The following DLG2 variants were observed in gnomAD, a reference collection of about 807,000 sequenced individuals.
The protein encoded by DLG2 is disks large homolog 2.
DLG2 carries 45 observed loss-of-function variants against 132.5 expected under a neutral mutation model. That is an observed-to-expected ratio of 0.34 (90% CI 0.27 to 0.44). The LOEUF is 0.44. Among genes scored for constraint, DLG2 ranks in the 20% least tolerant of loss-of-function variants. The probability of loss-of-function intolerance (pLI) is 1.00; values close to 1 mark genes in which losing one functional copy is unlikely to be tolerated. For synonymous variants in DLG2, 424 were observed against 419.6 expected, an observed-to-expected ratio of 1.01 and a Z score of -0.13; for missense variants, 1,045 against 1,196.9, an observed-to-expected ratio of 0.87 and a Z score of 1.87.
chr11:84,774,238 G>T (rs2069979865), intron 6 of DLG2, among the ~76,000 whole-genome samples: 1 of 151,888 alleles, frequency 6.6e-6, no homozygotes, highest in Admixed American at 6.6e-5. Flanking sequence ...GGAGGTAAAA[G>T]ACTTCTACAG....
At chr11:83,928,703 A>G (rs2079499025) in intron 15 of DLG2, among the ~76,000 whole-genome samples, 1 of 152,172 alleles carries the variant, frequency 6.6e-6, no homozygotes, top group Non-Finnish European at 1.5e-5. Context: ...TGGGCAAGTC[A>G]GGCAACTTAT....
intron 21 of DLG2, among the ~76,000 whole-genome samples, chr11:83,517,154 G>C (rs555068690): frequency 3.3e-5 from 5 of 152,258 alleles, no homozygotes; most frequent in Admixed American, 2.6e-4. Context: ...GTCACTTTCA[G>C]GTACACCAAT....
At chr11:84,095,859 T>A (rs1038446045) in intron 10 of DLG2, among the ~76,000 whole-genome samples, 1 of 152,290 alleles carries the variant, frequency 6.6e-6, no homozygotes, top group African/African-American at 2.4e-5. Flanking sequence ...GTTTTGCAGG[T>A]TGTTTATTGT....
chr11:85,234,394 GTGTT>G lies in DLG2; in HGVS notation c.186+50822_186+50825del, dbSNP rs1488307256. ...CCATTATACAGCGTGCACAGAAAGA[GTGTT>G]TGTTATCTCTAGGTGTAGGCTGATG... On this transcript the variant is annotated intron_variant, in intron 4 of 27. Transcript: ENST00000376104. Among the ~76,000 whole-genome samples, 3 of 152,086 alleles carry G rather than the reference GTGTT, an allele frequency of 2.0e-5. No individual in the cohort carries two copies. The East Asian group carries it at 5.8e-4, about 29-fold the overall frequency.
intron 7 of DLG2, among the ~76,000 whole-genome samples, chr11:84,348,321 A>G (rs890081327): frequency 6.6e-6 from 1 of 152,176 alleles, no homozygotes; most frequent in Non-Finnish European, 1.5e-5. Context: ...TAATTTGCCA[A>G]AGGTCAGGCA....
intron 16 of DLG2, among the ~76,000 whole-genome samples, chr11:83,859,990 G>A (rs754884907): frequency 1.3e-5 from 2 of 152,212 alleles, no homozygotes; most frequent in Non-Finnish European, 2.9e-5. Context: ...GTGGTGTTGA[G>A]CCTGTGATGG....
At chr11:83,533,107 A>C (rs563203732) in intron 20 of DLG2, among the ~76,000 whole-genome samples, 9 of 152,336 alleles carry the variant, frequency 5.9e-5, no homozygotes, top group Admixed American at 1.3e-4. Flanking sequence ...CAGTTCATAA[A>C]GATGAACACC....
chr11:84,407,796 T>C (rs183678230), intron 7 of DLG2, among the ~76,000 whole-genome samples: 145 of 152,316 alleles, frequency 9.5e-4, no homozygotes, highest in African/African-American at 3.4e-3. Context: ...TAGCCTGTGG[T>C]AGAATGACAT....
intron 4 of DLG2, among the ~76,000 whole-genome samples, chr11:85,196,564 G>A (rs1266563271): frequency 1.3e-5 from 2 of 152,140 alleles, no homozygotes; most frequent in African/African-American, 4.8e-5. Context: ...AAAAAAGTGG[G>A]AAGTTTAAAA....
intron 6 of DLG2, among the ~76,000 whole-genome samples, chr11:84,853,281 C>T (rs554158153): frequency 1.3e-5 from 2 of 151,986 alleles, no homozygotes; most frequent in African/African-American, 4.8e-5. Context: ...GCAAACGTGA[C>T]CCAGTGAACA....
intron 6 of DLG2, among the ~76,000 whole-genome samples, chr11:84,740,449 T>C (rs1282599550): frequency 1.3e-5 from 2 of 152,152 alleles, no homozygotes; most frequent in African/African-American, 4.8e-5. Context: ...CATGCAGCTG[T>C]ATTGCTTCAA....
intron 3 of DLG2, among the ~76,000 whole-genome samples, chr11:85,374,842 A>G (rs747243100): frequency 2.6e-5 from 4 of 152,188 alleles, no homozygotes; most frequent in Non-Finnish European, 5.9e-5. Context: ...AGAAAAAAAC[A>G]GAAAATGTGA....
At chr11:83,966,224 G>T (rs1294941064) in intron 12 of DLG2, among the ~76,000 whole-genome samples, 1 of 151,920 alleles carries the variant, frequency 6.6e-6, no homozygotes, top group Non-Finnish European at 1.5e-5. Flanking sequence ...CTGGAAAGAT[G>T]AACCGGTTTA....
At chr11:84,345,927 T>C (rs1237495755) in intron 7 of DLG2, among the ~76,000 whole-genome samples, 1 of 152,178 alleles carries the variant, frequency 6.6e-6, no homozygotes, top group East Asian at 1.9e-4. Flanking sequence ...ATTTGACCCT[T>C]TGTTTAAAAA....
In DLG2 at chr11:84,051,299, G is replaced by A. The variant is rs551815816; in HGVS notation, c.919+8016C>T. Among the ~76,000 whole-genome samples the A allele has an allele frequency of 8.6e-5, 13 of 151,806 alleles. No individual in the cohort carries two copies. The East Asian group carries it at 2.3e-3, about 27-fold the overall frequency. The stretch of plus-strand genomic sequence containing the variant: ...GTATATACCCAAAGGATTATAAATC[G>A]TGTTGCTAGAAAGACACATGCACAC... On this transcript the variant is annotated intron_variant, in intron 11 of 27. Transcript: ENST00000376104.
At chr11:84,339,140 T>C (rs1245993336) in intron 7 of DLG2, among the ~76,000 whole-genome samples, 3 of 152,186 alleles carry the variant, frequency 2.0e-5, no homozygotes, top group Non-Finnish European at 4.4e-5. Context: ...GTTTCAGCTA[T>C]TACTTATTTC....
intron 3 of DLG2, among the ~76,000 whole-genome samples, chr11:85,470,717 G>T (rs901863805): frequency 2.0e-5 from 3 of 152,106 alleles, no homozygotes; most frequent in African/African-American, 7.2e-5. Flanking sequence ...GACAGAGTGA[G>T]ACTCTGTCTC....
At chr11:85,317,822 C>A (rs944322419) in intron 3 of DLG2, among the ~76,000 whole-genome samples, 3 of 151,688 alleles carry the variant, frequency 2.0e-5, no homozygotes, top group Non-Finnish European at 4.4e-5. Context: ...GGCTTAATAC[C>A]TGAGTAATGA....
chr11:85,000,471 C>T (rs982410922), intron 6 of DLG2, among the ~76,000 whole-genome samples: 1 of 152,138 alleles, frequency 6.6e-6, no homozygotes, highest in Non-Finnish European at 1.5e-5. Flanking sequence ...TTGGGAAAGT[C>T]AGTTAATATT....
Sources: allele counts gnomAD v4.1 joint callset (sites outside exome capture counted in the v4.1 genomes callset), GRCh38; gene constraint gnomAD v4.1.1; transcripts MANE v1.5; gene names NCBI Gene and HGNC (gene_info 2026-07-23, HGNC 2026-07-21).